KMT2A: variants seen among roughly 807,000 people sequenced by gnomAD.
The protein encoded by KMT2A is lysine methyltransferase 2A, also known as histone-lysine N-methyltransferase 2A.
In KMT2A, 16 loss-of-function variants were observed where a neutral mutation model predicts 345.3. The observed-to-expected ratio is 0.05, with a 90% CI of 0.03 to 0.07. The LOEUF is 0.07. Ranked by LOEUF, KMT2A falls within the 10% of genes least tolerant of loss-of-function variation. KMT2A has a pLI of 1.00. For missense variants in KMT2A, 3,272 were observed against 4,841.6 expected (o/e 0.68, Z 9.62); for synonymous variants, 1,599 against 1,778.6 (o/e 0.90, Z 2.54).
chr11:118,484,233 C>G lies in KMT2A; in HGVS notation c.4137C>G (p.Ile1379Met). The G allele has an allele frequency of 6.2e-7, 1 of 1,614,086 alleles. No homozygotes were observed. Among genetic ancestry groups the G allele is most frequent in the South Asian group, 1.1e-5 (1 of 91,084 alleles). ...AGGAGAATGCAGGCACTTTGAACATCCTCAGCACTCTCTCCAATGGCAATA... is the reference window on the plus strand; with the variant it reads ...AGGAGAATGCAGGCACTTTGAACATGCTCAGCACTCTCTCCAATGGCAATA... ...NKQENAGTLN[I>M]LSTLSNGNSS... is the part of the protein sequence containing the mutation. The change falls in exon 9 of 36, where the codon ATC becomes ATG. Residue 1379 changes from isoleucine (I) to methionine (M), a missense_variant. Coordinates refer to ENST00000534358, the MANE Select transcript of KMT2A (RefSeq NM_001197104.2). This position sits in a 1 kb window ranked among gnomAD's most constrained non-coding sequence, Gnocchi z 4.1.
intron 5 of KMT2A, 93 bp from the exon 6 acceptor site, chr11:118,480,081 G>T: frequency 1.0e-6 from 1 of 957,082 alleles, no homozygotes; most frequent in Non-Finnish European, 1.7e-6. Flanking sequence ...CCTGAATACA[G>T]ATTCACTGAT....
chr11:118,519,003 G>A (rs868925209), intron 31 of KMT2A, among the ~76,000 whole-genome samples: 6 of 143,446 alleles, frequency 4.2e-5, no homozygotes, highest in Non-Finnish European at 8.9e-5. Context: ...GCGTGAACCC[G>A]GGAGGTGGAG....
At position 118,498,585 on chromosome 11, in the gene KMT2A, T is replaced by G. The variant is rs1268415748; in HGVS notation, c.5961+57T>G. ...AAAAAAGACTTTTTTAGAGCAGTTTTAGGTTCACAGCAAAATTGACTGGAA... is the reference window on the plus strand; with the variant it reads ...AAAAAAGACTTTTTTAGAGCAGTTTGAGGTTCACAGCAAAATTGACTGGAA... On this transcript the variant is annotated intron_variant, in intron 22 of 35. Coordinates refer to ENST00000534358, the MANE Select transcript of KMT2A (RefSeq NM_001197104.2). This position sits in a 1 kb window ranked among gnomAD's most constrained non-coding sequence, Gnocchi z 4.4. The G allele has an allele frequency of 4.6e-6, 7 of 1,522,154 alleles. No individual in the cohort carries two copies. Among genetic ancestry groups the G allele is most frequent in the Non-Finnish European group, 6.1e-6 (7 of 1,138,780 alleles). The allele number at this position is 1,522,154 out of a possible 1,614,324, so 94.3% of individuals were successfully genotyped here. A position where few individuals can be genotyped will look rare whatever the true frequency, so the allele number is the denominator to read the frequency against.
rs1555039614 is a variant in KMT2A, at chr11:118,482,444, A to G, written c.4035A>G (p.Lys1345=). Residue 1345 remains lysine (K), a synonymous_variant, in exon 8 of 36, where the codon AAA becomes AAG. Transcript: ENST00000534358. Reference sequence around the variant, plus strand: ...TAGGTCCAGAGCAGAGCAAACAGAAAAAAGTGGCTCCCCGCCCAAGTATCC... The same window carrying G: ...TAGGTCCAGAGCAGAGCAAACAGAAGAAAGTGGCTCCCCGCCCAAGTATCC... ...PESGPEQSKQ[K]KVAPRPSIPV... The G allele has an allele frequency of 6.2e-7, 1 of 1,613,828 alleles. No individual in the cohort carries two copies. Among genetic ancestry groups the G allele is most frequent in the South Asian group, 1.1e-5 (1 of 91,050 alleles).
chr11:118,519,926 C>A, intron 32 of KMT2A, 31 bp from the exon 33 acceptor site: 1 of 1,576,338 alleles, frequency 6.3e-7, no homozygotes, highest in Non-Finnish European at 8.7e-7. Flanking sequence ...TAAAGCATTT[C>A]TCTAAATATG....
rs1950656683 is a variant in KMT2A at position 118,510,072 on chromosome 11, A to G, written c.11025A>G (p.Glu3675=). The change falls in exon 30 of 36, where the codon GAA becomes GAG. Residue 3675 remains glutamate (E), a synonymous_variant. Coordinates refer to ENST00000534358, the MANE Select transcript of KMT2A (RefSeq NM_001197104.2). The surrounding 1 kb of genome is among the most constrained non-coding windows in gnomAD (Gnocchi z 4.1). The part of the protein sequence containing the change: ...EKKPKKGLVF[E]ISSDDGFQIC... The stretch of plus-strand genomic sequence containing the variant: ...AACCCAAGAAAGGACTTGTTTTTGA[A>G]ATTTCCAGTGATGATGGCTTTCAGA... The G allele has an allele frequency of 1.2e-6, 2 of 1,613,830 alleles. No homozygotes were observed. The highest frequency in any genetic ancestry group is 4.5e-5 in the East Asian group (2 of 44,872).
At chr11:118,453,912 T>C (rs1481401944) in intron 1 of KMT2A, among the ~76,000 whole-genome samples, 12 of 152,234 alleles carry the variant, frequency 7.9e-5, no homozygotes, top group Non-Finnish European at 1.6e-4. Flanking sequence ...CCAGTCTCTT[T>C]GTTTCTTAAT....
Position 118,504,232 on chromosome 11 carries a change from G to A in KMT2A, c.8340G>A (p.Glu2780=). The A allele has an allele frequency of 6.2e-7, 1 of 1,614,172 alleles. No individual in the cohort carries two copies. The highest frequency in any genetic ancestry group is 8.5e-7 in the Non-Finnish European group (1 of 1,180,034). ...AGAGTTCTGTTGGCCACAAAAATGA[G>A]CCAAAGATGGATAACTGCCATTCTG... ...VTKSSVGHKN[E]PKMDNCHSVS... Residue 2780 remains glutamate, a synonymous_variant, in exon 27 of 36, where the codon GAG becomes GAA. Coordinates refer to ENST00000534358, the MANE Select transcript of KMT2A (RefSeq NM_001197104.2). This position sits in a 1 kb window ranked among gnomAD's most constrained non-coding sequence, Gnocchi z 6.4.
intron 1 of KMT2A, among the ~76,000 whole-genome samples, chr11:118,446,353 G>A (rs1484261824): frequency 6.6e-6 from 1 of 152,020 alleles, no homozygotes; most frequent in Non-Finnish European, 1.5e-5. Flanking sequence ...TGTCTCAAAA[G>A]AAAGAAAAGA....
In KMT2A at chr11:118,485,507, T is replaced by C. The variant is rs1252007873; in HGVS notation, c.4332+532T>C. On this transcript the variant is annotated intron_variant, in intron 10 of 35. Transcript: ENST00000534358. ...CCAAAAACTGGAAATTAAAGCATGA[T>C]AAAAAAAGAATCCTGAATAAATGGG... is the stretch of plus-strand genomic sequence containing the variant. 3.9e-5 allele frequency among the ~76,000 whole-genome samples: 6 copies of C among 152,144 alleles called. No homozygotes were observed. The East Asian group carries it at 1.2e-3, about 29-fold the overall frequency.
intron 27 of KMT2A, 111 bp from the exon 28 acceptor site, chr11:118,507,418 C>T (rs1409758730): frequency 1.1e-6 from 1 of 920,804 alleles, no homozygotes; most frequent in Non-Finnish European, 1.7e-6. Context: ...GTTTTGCTGG[C>T]TTATAGACTT....
At chr11:118,509,239 A>C in intron 29 of KMT2A, 39 bp downstream of exon 29, 8 of 1,492,564 alleles carry the variant, frequency 5.4e-6, no homozygotes, top group Non-Finnish European at 7.5e-6. Flanking sequence ...AGAGAATATC[A>C]ATGCTAAAAG....
At chr11:118,462,510 A>G (rs1437967762) in intron 1 of KMT2A, among the ~76,000 whole-genome samples, 1 of 152,142 alleles carries the variant, frequency 6.6e-6, no homozygotes, top group African/African-American at 2.4e-5. Context: ...TTCAAGTGCA[A>G]AGAAAGTTCT....
rs1950976032 is a variant in KMT2A, at chr11:118,521,793, CTT to C, written c.11644-102_11644-101del. The C allele has an allele frequency of 2.4e-6, 3 of 1,242,522 alleles. No individual in the cohort carries two copies. Among genetic ancestry groups the C allele is most frequent in the Non-Finnish European group, 3.3e-6 (3 of 899,458 alleles). The allele number at this position is 1,242,522 out of a possible 1,614,324, so 77.0% of individuals were successfully genotyped here. A position where few individuals can be genotyped will look rare whatever the true frequency, so the allele number is the denominator to read the frequency against. On this transcript the variant is annotated intron_variant, in intron 35 of 35. Coordinates refer to ENST00000534358, the MANE Select transcript of KMT2A (RefSeq NM_001197104.2). This position sits in a 1 kb window ranked among gnomAD's most constrained non-coding sequence, Gnocchi z 5.3. ...AATCTGGAAATTTTACTAGAAGAAA[CTT>C]TCTCAGCCGCTATAGGTAACATCAA...
At chr11:118,507,071 A>T (rs1950597522) in intron 27 of KMT2A, among the ~76,000 whole-genome samples, 1 of 152,174 alleles carries the variant, frequency 6.6e-6, no homozygotes, top group African/African-American at 2.4e-5. Flanking sequence ...CTGAGGCAGA[A>T]GGATTGCTGG....
intron 31 of KMT2A, among the ~76,000 whole-genome samples, chr11:118,512,884 A>T (rs1466901979): frequency 1.3e-5 from 2 of 151,366 alleles, no homozygotes; most frequent in Non-Finnish European, 2.9e-5. Context: ...TTGGTATTAG[A>T]CTTCATATTA....
intron 1 of KMT2A, chr11:118,450,440 G>A (rs1555028525): frequency 6.6e-6 from 1 of 152,156 alleles, no homozygotes; most frequent in Admixed American, 6.5e-5. Flanking sequence ...TTGTTGACAT[G>A]GAGTGGGGAT....
chr11:118,523,595 T>G lies in KMT2A; in HGVS notation c.*1423T>G, dbSNP rs929493020. 3 of 227,718 alleles carry G rather than the reference T, an allele frequency of 1.3e-5. No homozygotes were observed. The highest frequency in any genetic ancestry group is 2.6e-5 in the Non-Finnish European group (3 of 114,494). The allele number at this position is 227,718 out of a possible 1,614,324, so 14.1% of individuals were successfully genotyped here. A position where few individuals can be genotyped will look rare whatever the true frequency, so the allele number is the denominator to read the frequency against. On this transcript the variant is annotated 3_prime_UTR_variant, in exon 36 of 36. Coordinates refer to ENST00000534358, the MANE Select transcript of KMT2A (RefSeq NM_001197104.2). ...TAAATATATTTTGTATATTTTTCTA[T>G]GAGAAGCACTTCATAGGGAGAAGCA... is the stretch of plus-strand genomic sequence containing the variant.
chr11:118,521,142 C>T lies in KMT2A; in HGVS notation c.11514-146C>T. 1.1e-6 allele frequency: 1 copy of T among 878,968 alleles called. No individual in the cohort carries two copies. The highest frequency in any genetic ancestry group is 1.8e-6 in the Non-Finnish European group (1 of 565,256). The allele number at this position is 878,968 out of a possible 1,614,324, so 54.4% of individuals were successfully genotyped here. On this transcript the variant is annotated intron_variant, in intron 34 of 35. Coordinates refer to ENST00000534358, the MANE Select transcript of KMT2A (RefSeq NM_001197104.2). This position sits in a 1 kb window ranked among gnomAD's most constrained non-coding sequence, Gnocchi z 5.3. Reference sequence around the variant, plus strand: ...TCATCTTTGGCCATGTGTTAGATGGCCAAATCAAGTGGGTCCAAATTTTTA... The same window carrying T: ...TCATCTTTGGCCATGTGTTAGATGGTCAAATCAAGTGGGTCCAAATTTTTA...
Sources: allele counts gnomAD v4.1 joint callset (sites outside exome capture counted in the v4.1 genomes callset), GRCh38; gene constraint gnomAD v4.1.1; non-coding constraint Gnocchi (gnomAD v3.1); transcripts MANE v1.5; gene names NCBI Gene and HGNC (gene_info 2026-07-23, HGNC 2026-07-21).